The following COX4I1 variants were observed in gnomAD, a reference collection of about 807,000 sequenced individuals.
COX4I1 encodes the protein cytochrome c oxidase subunit 4I1, also known as cytochrome c oxidase subunit 4 isoform 1, mitochondrial.
Under a neutral mutation model 21.7 loss-of-function variants are expected in COX4I1, and 18 were observed. The ratio of observed to expected loss-of-function variants is 0.83; its 90% CI spans 0.57 to 1.23. The LOEUF is 1.23. Ranked by LOEUF, COX4I1 falls within the 50% of genes most tolerant of loss-of-function variation. The pLI is 0.00. For synonymous variants in COX4I1, 100 were observed against 81.5 expected, an observed-to-expected ratio of 1.23 and a Z score of -1.23; for missense variants, 238 against 220.7, an observed-to-expected ratio of 1.08 and a Z score of -0.50.
At chr16:85,803,728 C>T (rs2733958) in intron 2 of COX4I1, 148,507 of 152,358 alleles carry the variant, frequency 0.97, 72,481 homozygotes, top group Middle Eastern at 1. Context: ...CTGTTTTGTG[C>T]GTTTCGTTAC....
chr16:85,806,335 C>T (rs897251499), intron 4 of COX4I1: 15 of 630,900 alleles, frequency 2.4e-5, no homozygotes, highest in East Asian at 8.2e-5. Context: ...GACTCTTCCC[C>T]GAGGTTCTTT....
intron 2 of COX4I1, among the ~76,000 whole-genome samples, chr16:85,802,862 T>TG (rs1200991487): frequency 4.6e-5 from 7 of 152,362 alleles, no homozygotes; most frequent in Non-Finnish European, 1.0e-4. Context: ...TTCTGGAAGA[T>TG]GCAATTTTGA....
intron 2 of COX4I1, chr16:85,803,256 C>A (rs1292194240): frequency 1.3e-5 from 2 of 152,174 alleles, no homozygotes; most frequent in African/African-American, 4.8e-5. Flanking sequence ...AGGCCATTTC[C>A]ATCTCCTGTC....
At chr16:85,805,363 A>G (rs906279077) in intron 3 of COX4I1, 7 of 523,364 alleles carry the variant, frequency 1.3e-5, no homozygotes, top group African/African-American at 1.1e-4. Context: ...TCTGCTGGGT[A>G]AGACATAGTT....
chr16:85,805,291 G>A, intron 3 of COX4I1, 187 bp downstream of exon 3: 1 of 598,896 alleles, frequency 1.7e-6, no homozygotes, highest in Non-Finnish European at 2.9e-6. Flanking sequence ...AGCTCTGCCA[G>A]CTGACAGGAT....
intron 2 of COX4I1, chr16:85,804,372 T>C (rs1230144404): frequency 1.3e-5 from 2 of 152,426 alleles, no homozygotes; most frequent in African/African-American, 4.8e-5. Flanking sequence ...TATTTTTTTA[T>C]TTTGAGACGA....
At chr16:85,801,783 G>A (rs1195299761) in intron 2 of COX4I1, among the ~76,000 whole-genome samples, 1 of 152,158 alleles carries the variant, frequency 6.6e-6, no homozygotes, top group East Asian at 1.9e-4. Flanking sequence ...GCTTAGTTCT[G>A]TGTCTGGCAT....
At chr16:85,802,964 A>C (rs188383202) in intron 2 of COX4I1, 1 of 152,336 alleles carries the variant, frequency 6.6e-6, no homozygotes, top group East Asian at 1.9e-4. Flanking sequence ...ACAGCTTTAC[A>C]AGATGTAATT....
chr16:85,805,218 T>A lies in COX4I1; in HGVS notation c.241+114T>A, dbSNP rs1597218928. The A allele has an allele frequency of 3.5e-6, 4 of 1,144,838 alleles. No individual in the cohort carries two copies. The Admixed American group carries it at 9.1e-5, about 26-fold the overall frequency. The allele number at this position is 1,144,838 out of a possible 1,614,324, so 70.9% of individuals were successfully genotyped here. ...CTAGAGGCAGTCTTGCACAGGAGGGTTGCTCTGCTGGGTTTCGGGGTCACT... is the reference window on the plus strand; with the variant it reads ...CTAGAGGCAGTCTTGCACAGGAGGGATGCTCTGCTGGGTTTCGGGGTCACT... On this transcript the variant is annotated intron_variant, in intron 3 of 4. Transcript: ENST00000253452.
intron 2 of COX4I1, chr16:85,803,985 T>G (rs989808822): frequency 6.6e-6 from 1 of 152,300 alleles, no homozygotes; most frequent in African/African-American, 2.4e-5. Flanking sequence ...TGTTTTCCAC[T>G]TCTAGAAGTG....
At chr16:85,805,654 G>A in intron 3 of COX4I1, 79 bp from the exon 4 acceptor site, 4 of 1,589,034 alleles carry the variant, frequency 2.5e-6, no homozygotes, top group Non-Finnish European at 2.6e-6. Flanking sequence ...GTGTGGTTTT[G>A]GGGAGAAGTG....
intron 2 of COX4I1, chr16:85,804,230 G>A (rs1905989007): frequency 6.6e-6 from 1 of 151,352 alleles, no homozygotes; most frequent in Non-Finnish European, 1.5e-5. Context: ...AACGCTTTGA[G>A]TTTTTTATTG....
chr16:85,802,784 C>G (rs1370820418), intron 2 of COX4I1, among the ~76,000 whole-genome samples: 1 of 152,170 alleles, frequency 6.6e-6, no homozygotes, highest in African/African-American at 2.4e-5. Flanking sequence ...ATTGATTTTC[C>G]CTTAATTGCT....
chr16:85,802,515 G>A (rs1016463001), intron 2 of COX4I1, among the ~76,000 whole-genome samples: 4 of 149,878 alleles, frequency 2.7e-5, no homozygotes, highest in African/African-American at 4.9e-5. Context: ...TATAACTTAC[G>A]TAAGTCATAC....
At chr16:85,801,369 C>T in intron 2 of COX4I1, 91 bp downstream of exon 2, 9 of 1,131,044 alleles carry the variant, frequency 8.0e-6, no homozygotes, top group Non-Finnish European at 1.0e-5. Flanking sequence ...GTTTTAAAGA[C>T]CTTAATTCGG....
At chr16:85,802,648 T>TAG (rs1311793501) in intron 2 of COX4I1, among the ~76,000 whole-genome samples, 9 of 152,232 alleles carry the variant, frequency 5.9e-5, no homozygotes, top group African/African-American at 2.2e-4. Flanking sequence ...GGTGCCCAGA[T>TAG]ATACCAGATC....
intron 1 of COX4I1, among the ~76,000 whole-genome samples, chr16:85,800,280 C>G (rs1171864974): frequency 6.6e-6 from 1 of 152,254 alleles, no homozygotes; most frequent in African/African-American, 2.4e-5. Flanking sequence ...TTCCCCACAT[C>G]ACTCTCACCA....
At chr16:85,801,315 C>G (rs753295579) in intron 2 of COX4I1, 37 bp downstream of exon 2, 76 of 1,571,430 alleles carry the variant, frequency 4.8e-5, no homozygotes, top group Non-Finnish European at 6.6e-5. Flanking sequence ...ATAGGCTGAA[C>G]TAATTTCATT....
intron 1 of COX4I1, chr16:85,800,007 G>A (rs1051193439): frequency 2.0e-5 from 3 of 152,130 alleles, no homozygotes; most frequent in Non-Finnish European, 2.9e-5. Context: ...CTCGGGCACT[G>A]ACCTTGGAGC....
Sources: allele counts gnomAD v4.1 joint callset (sites outside exome capture counted in the v4.1 genomes callset), GRCh38; gene constraint gnomAD v4.1.1; transcripts MANE v1.5; gene names NCBI Gene and HGNC (gene_info 2026-07-23, HGNC 2026-07-21).